The following STRBP variants were observed in gnomAD, a reference collection of about 807,000 sequenced individuals.
STRBP encodes the protein spermatid perinuclear RNA-binding protein.
STRBP carries 13 observed loss-of-function variants against 80.1 expected under a neutral mutation model. The observed-to-expected ratio is 0.16, with a 90% CI of 0.11 to 0.26. The LOEUF (loss-of-function observed/expected upper bound fraction) is 0.26, where lower values mean the gene tolerates loss of function less well. STRBP is among the 10% of genes least tolerant of loss of function. STRBP has a pLI of 1.00. For synonymous variants in STRBP, 284 were observed against 291.2 expected, an observed-to-expected ratio of 0.98 and a Z score of 0.25; for missense variants, 485 against 815.2, an observed-to-expected ratio of 0.59 and a Z score of 4.93.
In STRBP at chr9:123,115,112, T is replaced by C. The variant is rs1021238919; in HGVS notation, c.*84+817A>G. 1.4e-5 allele frequency: 6 copies of C among 432,406 alleles called. No individual in the cohort carries two copies. The highest frequency in any genetic ancestry group is 2.4e-5 in the Non-Finnish European group (5 of 206,374). 26.8% of individuals were successfully genotyped at this position (432,406 alleles called of 1,614,324 possible). On this transcript the variant is annotated intron_variant and NMD_transcript_variant, in intron 3 of 3. Transcript: ENST00000471564. This position sits in a 1 kb window ranked among gnomAD's most constrained non-coding sequence, Gnocchi z 5.0. ...CACCCAGGGCCTTTTAAGAAGTGAC[T>C]GCAGACTGTGTGTCCCACCTGCCAC...
At chr9:123,242,642 AGAGT>A (rs1375182787) in intron 1 of STRBP, among the ~76,000 whole-genome samples, 7 of 152,160 alleles carry the variant, frequency 4.6e-5, no homozygotes, top group Non-Finnish European at 8.8e-5. Flanking sequence ...CCTGGGTGAC[AGAGT>A]GAGACCCTGT....
chr9:123,200,332 G>C (rs770619914), intron 2 of STRBP, among the ~76,000 whole-genome samples: 1 of 151,954 alleles, frequency 6.6e-6, no homozygotes, highest in Non-Finnish European at 1.5e-5. Context: ...ATTTTGTTGA[G>C]GATTTTTGCA....
chr9:123,221,732 C>T (rs1353873504), intron 2 of STRBP, among the ~76,000 whole-genome samples: 2 of 152,130 alleles, frequency 1.3e-5, no homozygotes, highest in African/African-American at 4.8e-5. Flanking sequence ...TTCTTCATTT[C>T]CGGCAATGAT....
chr9:123,218,947 T>G (rs2039986897), intron 2 of STRBP, among the ~76,000 whole-genome samples: 1 of 152,220 alleles, frequency 6.6e-6, no homozygotes, highest in South Asian at 2.1e-4. Context: ...GAAGTACTAT[T>G]ATTTCCAATT....
intron 2 of STRBP, among the ~76,000 whole-genome samples, chr9:123,218,784 T>C (rs1049232845): frequency 2.6e-5 from 4 of 152,206 alleles, no homozygotes; most frequent in Non-Finnish European, 5.9e-5. Flanking sequence ...TGATTAACCA[T>C]GTGCCAGGCA....
At chr9:123,162,095 G>A (rs2037544974) in intron 6 of STRBP, among the ~76,000 whole-genome samples, 1 of 152,178 alleles carries the variant, frequency 6.6e-6, no homozygotes, top group African/African-American at 2.4e-5. Context: ...TCGGATAGAG[G>A]TAGCGCATTT....
At chr9:123,183,071 G>A (rs567499892) in intron 3 of STRBP, among the ~76,000 whole-genome samples, 13 of 150,718 alleles carry the variant, frequency 8.6e-5, no homozygotes, top group East Asian at 1.9e-4. Context: ...CCAACAGACC[G>A]GCTAAACAAC....
chr9:123,253,094 A>C (rs1258183533), intron 1 of STRBP, among the ~76,000 whole-genome samples: 1 of 152,228 alleles, frequency 6.6e-6, no homozygotes, highest in Non-Finnish European at 1.5e-5. Flanking sequence ...AAGGATCTTA[A>C]AATGGGAAAT....
chr9:123,130,073 C>A (rs2036069551), intron 17 of STRBP, among the ~76,000 whole-genome samples: 1 of 152,148 alleles, frequency 6.6e-6, no homozygotes. Context: ...AGAAATGAGA[C>A]CACAAGTACT....
chr9:123,179,803 A>AC (rs1481065844), intron 3 of STRBP, among the ~76,000 whole-genome samples: 1 of 152,148 alleles, frequency 6.6e-6, no homozygotes, highest in Non-Finnish European at 1.5e-5. Context: ...TCTGAATACT[A>AC]CTTCAACAAA....
At chr9:123,232,904 C>T (rs757027187) in intron 2 of STRBP, among the ~76,000 whole-genome samples, 1 of 152,148 alleles carries the variant, frequency 6.6e-6, no homozygotes, top group Non-Finnish European at 1.5e-5. Flanking sequence ...TAAAACACTA[C>T]GTTTTTAGAC....
Position 123,188,515 on chromosome 9 carries a change from G to A in STRBP, c.-164-4217C>T, listed in dbSNP as rs112218511. 3.6e-3 allele frequency among the ~76,000 whole-genome samples: 544 copies of A among 152,134 alleles called. 1 individual carries two copies. The highest frequency in any genetic ancestry group is 0.012 in the African/African-American group (490 of 41,484). On this transcript the variant is annotated intron_variant, in intron 2 of 18. Transcript: ENST00000348403. ...AAATTGGCCAGGCATGGTGGTGGGC[G>A]CCTGTAGTCCCAGCTACTCGGGAGG...
downstream of STRBP, chr9:123,121,357 A>G (rs1344226529): frequency 2.0e-5 from 3 of 152,224 alleles, no homozygotes; most frequent in African/African-American, 7.2e-5. Context: ...TATGGGACAC[A>G]CCTAAATGAA....
chr9:123,214,145 T>C (rs578057237), intron 2 of STRBP, among the ~76,000 whole-genome samples: 19 of 141,446 alleles, frequency 1.3e-4, no homozygotes, highest in Admixed American at 4.3e-4. Context: ...TATATATGTA[T>C]ACACACACAC....
At chr9:123,171,028 T>C (rs2037984145) in intron 5 of STRBP, among the ~76,000 whole-genome samples, 2 of 151,926 alleles carry the variant, frequency 1.3e-5, no homozygotes, top group Admixed American at 1.3e-4. Flanking sequence ...TACTTTTGAA[T>C]AGAGGAAGCC....
rs2035547140 is a variant in STRBP at position 123,110,479 on chromosome 9, G to T, written c.*85-726C>A. 1 of 169,172 alleles carries T rather than the reference G, an allele frequency of 5.9e-6. No individual in the cohort carries two copies. Among genetic ancestry groups the T allele is most frequent in the African/African-American group, 2.4e-5 (1 of 41,506 alleles). The allele number at this position is 169,172 out of a possible 1,614,324, so 10.5% of individuals were successfully genotyped here. A position where few individuals can be genotyped will look rare whatever the true frequency, so the allele number is the denominator to read the frequency against. ...ACCAACCACTTAGACCAAAGGCTCA[G>T]CACAACAGGCCAGACAGATGGGTCC... On this transcript the variant is annotated intron_variant and NMD_transcript_variant, in intron 3 of 3. Transcript: ENST00000471564. This position sits in a 1 kb window ranked among gnomAD's most constrained non-coding sequence, Gnocchi z 4.1.
chr9:123,172,410 A>C (rs954213559), intron 5 of STRBP, among the ~76,000 whole-genome samples: 4 of 152,240 alleles, frequency 2.6e-5, no homozygotes, highest in African/African-American at 9.6e-5. Context: ...TTAGCTTTCC[A>C]CTTTGTAAAG....
downstream of STRBP, among the ~76,000 whole-genome samples, chr9:123,119,161 C>A (rs2035690895): frequency 6.6e-6 from 1 of 152,152 alleles, no homozygotes; most frequent in South Asian, 2.1e-4. Context: ...TAGTCAACAG[C>A]CTTTTAAGCA....
chr9:123,133,651 T>C (rs1485427318), intron 16 of STRBP, among the ~76,000 whole-genome samples: 1 of 152,124 alleles, frequency 6.6e-6, no homozygotes, highest in Non-Finnish European at 1.5e-5. Context: ...GTGATTCTCC[T>C]GCCTCAGCCT....
Sources: allele counts gnomAD v4.1 joint callset (sites outside exome capture counted in the v4.1 genomes callset), GRCh38; gene constraint gnomAD v4.1.1; non-coding constraint Gnocchi (gnomAD v3.1); transcripts MANE v1.5; gene names NCBI Gene and HGNC (gene_info 2026-07-23, HGNC 2026-07-21).